Variants in TNIK observed in about 807,000 individuals in gnomAD.
TNIK encodes TRAF2 and NCK-interacting protein kinase.
In TNIK, 49 loss-of-function variants were observed where a neutral mutation model predicts 191.3. The ratio of observed to expected loss-of-function variants is 0.26; its 90% confidence interval spans 0.20 to 0.32. The LOEUF (loss-of-function observed/expected upper bound fraction) is 0.32. Ranked by LOEUF, TNIK falls within the 10% of genes least tolerant of loss-of-function variation. The probability of loss-of-function intolerance (pLI) is 1.00; values close to 1 mark genes in which losing one functional copy is unlikely to be tolerated. For missense variants in TNIK, 1,155 were observed against 1,702.3 expected, an observed-to-expected ratio of 0.68 and a Z score of 5.66; for synonymous variants, 594 against 600.9, an observed-to-expected ratio of 0.99 and a Z score of 0.17.
chr3:171,454,104 C>T (rs1016452644), intron 1 of TNIK, among the ~76,000 whole-genome samples: 7 of 152,324 alleles, frequency 4.6e-5, no homozygotes, highest in Admixed American at 3.3e-4. Flanking sequence ...AGCTACTTCC[C>T]CCACAGAAAT....
chr3:171,448,593 A>C (rs77819264), intron 1 of TNIK, among the ~76,000 whole-genome samples: 3,520 of 137,900 alleles, frequency 0.026, 152 homozygotes, highest in African/African-American at 0.094. Flanking sequence ...TTTTTGCATG[A>C]ATACGTCCTT....
chr3:171,188,628 A>G lies in TNIK; in HGVS notation c.639+74T>C, dbSNP rs1469549064. 4 of 1,541,530 alleles carry G rather than the reference A, an allele frequency of 2.6e-6. No individual in the cohort carries two copies. The African/African-American group carries it at 5.5e-5, about 21-fold the overall frequency. ...TTGGGTGACATAAATCATAAATATA[A>G]GGGCATGTAAGACTTTATAAGACTC... On this transcript the variant is annotated intron_variant, in intron 7 of 32. Coordinates refer to ENST00000436636, the MANE Select transcript of TNIK (RefSeq NM_015028.4).
At chr3:171,448,270 T>C (rs1727752370) in intron 1 of TNIK, among the ~76,000 whole-genome samples, 1 of 152,192 alleles carries the variant, frequency 6.6e-6, no homozygotes, top group African/African-American at 2.4e-5. Context: ...CTATCTAATT[T>C]GGGACGTTAG....
At chr3:171,183,360 T>C (rs1410330361) in intron 7 of TNIK, among the ~76,000 whole-genome samples, 2 of 152,110 alleles carry the variant, frequency 1.3e-5, no homozygotes, top group Non-Finnish European at 2.9e-5. Context: ...TGACAGACAA[T>C]AGCTTAATAA....
chr3:171,158,819 G>A (rs979431443), intron 11 of TNIK, among the ~76,000 whole-genome samples: 4 of 152,150 alleles, frequency 2.6e-5, no homozygotes, highest in Admixed American at 2.6e-4. Flanking sequence ...CCTTACTTTA[G>A]ATGGGTGGTC....
chr3:171,432,104 G>A (rs1166012794), intron 1 of TNIK, among the ~76,000 whole-genome samples: 3 of 152,128 alleles, frequency 2.0e-5, no homozygotes, highest in East Asian at 3.8e-4. Context: ...AGAGGCAATA[G>A]CCAAAAGAGA....
chr3:171,335,947 A>G (rs1427572211), intron 2 of TNIK, among the ~76,000 whole-genome samples: 1 of 152,144 alleles, frequency 6.6e-6, no homozygotes, highest in African/African-American at 2.4e-5. Flanking sequence ...TGATATTGTC[A>G]GTCTTTTTAA....
chr3:171,304,827 G>A (rs951007145), intron 2 of TNIK, among the ~76,000 whole-genome samples: 1 of 151,966 alleles, frequency 6.6e-6, no homozygotes, highest in Non-Finnish European at 1.5e-5. Flanking sequence ...ATGGACACAG[G>A]AAGGGGAACA....
intron 1 of TNIK, among the ~76,000 whole-genome samples, chr3:171,419,760 A>G (rs1223378270): frequency 1.3e-5 from 2 of 152,082 alleles, no homozygotes; most frequent in Non-Finnish European, 2.9e-5. Context: ...TATCCTAAGC[A>G]CTTAATAACT....
intron 9 of TNIK, among the ~76,000 whole-genome samples, chr3:171,172,909 C>T (rs1425793448): frequency 2.6e-5 from 4 of 152,100 alleles, no homozygotes; most frequent in African/African-American, 9.7e-5. Flanking sequence ...GGTTTGAAGC[C>T]GAAAAATCAG....
Position 171,177,328 on chromosome 3 carries a change from G to A in TNIK, c.692C>T (p.Pro231Leu). ...ITAIEMAEGA[P>L]PLCDMHPMRA... ...TCACCCCAGAGGAGGGTACTTACGG[G>A]GAGCACCTTCTGCCATTTCAATGGC... The change falls in exon 8 of 33, where the codon CCC becomes CTC. Residue 231 changes from proline to leucine, a missense_variant and splice_region_variant. Coordinates refer to ENST00000436636, the MANE Select transcript of TNIK (RefSeq NM_015028.4). 1 of 1,607,018 alleles carries A rather than the reference G, an allele frequency of 6.2e-7. No individual in the cohort carries two copies. Among genetic ancestry groups the A allele is most frequent in the Non-Finnish European group, 8.5e-7 (1 of 1,176,838 alleles).
chr3:171,309,965 A>C (rs1298607019), intron 2 of TNIK, among the ~76,000 whole-genome samples: 3 of 152,142 alleles, frequency 2.0e-5, no homozygotes, highest in Non-Finnish European at 4.4e-5. Flanking sequence ...CTGCTTTTGC[A>C]AAGAAATCCT....
In TNIK at chr3:171,408,778, T is replaced by C. The variant is rs143032250; in HGVS notation, c.58-39093A>G. 6.6e-5 allele frequency among the ~76,000 whole-genome samples: 10 copies of C among 152,256 alleles called. No individual in the cohort carries two copies. In the East Asian group the frequency reaches 1.7e-3, roughly 26 times the overall value. ...TTTCCCTCTGGCTGAACCCCAGTGGTATGGCAAGCTAAGCGTCTCTAAATA... is the reference window on the plus strand; with the variant it reads ...TTTCCCTCTGGCTGAACCCCAGTGGCATGGCAAGCTAAGCGTCTCTAAATA... On this transcript the variant is annotated intron_variant, in intron 1 of 32. Coordinates refer to ENST00000436636, the MANE Select transcript of TNIK (RefSeq NM_015028.4).
At chr3:171,266,333 A>G (rs1748401475) in intron 2 of TNIK, among the ~76,000 whole-genome samples, 1 of 152,228 alleles carries the variant, frequency 6.6e-6, no homozygotes, top group African/African-American at 2.4e-5. Flanking sequence ...AAGGATTCCA[A>G]TATTATTTTA....
chr3:171,402,709 A>G (rs1464277944), intron 1 of TNIK, among the ~76,000 whole-genome samples: 1 of 152,208 alleles, frequency 6.6e-6, no homozygotes, highest in African/African-American at 2.4e-5. Flanking sequence ...ACCAGAATCA[A>G]AGGTTAGCTC....
chr3:171,240,863 G>A (rs1399577207), intron 2 of TNIK, among the ~76,000 whole-genome samples: 1 of 152,082 alleles, frequency 6.6e-6, no homozygotes, highest in Non-Finnish European at 1.5e-5. Flanking sequence ...TGCTCTAGGA[G>A]GGAAATGTCT....
At chr3:171,244,695 AGGTG>A (rs1745391711) in intron 2 of TNIK, among the ~76,000 whole-genome samples, 1 of 151,998 alleles carries the variant, frequency 6.6e-6, no homozygotes, top group Admixed American at 6.6e-5. Flanking sequence ...TATGTTACAA[AGGTG>A]AGATAGAAAT....
In TNIK at chr3:171,283,810, G is replaced by A. The variant is rs192218216; in HGVS notation, c.124-55589C>T. ...CATAAGGAAGTCAGGCAGTGATGGC[G>A]CTGCATGGGAATACAAGCAGAACAA... On this transcript the variant is annotated intron_variant, in intron 2 of 32. Transcript: ENST00000436636. 1.7e-3 allele frequency among the ~76,000 whole-genome samples: 252 copies of A among 152,274 alleles called. 1 individual carries two copies. In the South Asian group the frequency reaches 0.019, roughly 11 times the overall value.
intron 28 of TNIK, among the ~76,000 whole-genome samples, chr3:171,077,847 CTGTA>C (rs937790825): frequency 9.2e-5 from 14 of 151,464 alleles, no homozygotes; most frequent in Admixed American, 2.6e-4. Flanking sequence ...ATATATACAG[CTGTA>C]TGTATGTATG....
Sources: allele counts gnomAD v4.1 joint callset (sites outside exome capture counted in the v4.1 genomes callset), GRCh38; gene constraint gnomAD v4.1.1; transcripts MANE v1.5; gene names NCBI Gene and HGNC (gene_info 2026-07-23, HGNC 2026-07-21).